The following FREM1 variants were observed in gnomAD, a reference collection of about 807,000 sequenced individuals.
The protein encoded by FREM1 is FRAS1 related extracellular matrix 1.
Under a neutral mutation model 210.1 loss-of-function variants are expected in FREM1, and 220 were observed. The observed-to-expected ratio is 1.05, with a 90% CI of 0.94 to 1.17. The LOEUF (loss-of-function observed/expected upper bound fraction) is 1.17, where lower values mean the gene tolerates loss of function less well. Ranked by LOEUF, FREM1 falls within the 50% of genes most tolerant of loss-of-function variation. The pLI is 0.00. For missense variants in FREM1, 3,454 were observed against 2,675.5 expected, an observed-to-expected ratio of 1.29 and a Z score of -6.42; for synonymous variants, 1,189 against 980.2, an observed-to-expected ratio of 1.21 and a Z score of -3.98.
At chr9:14,773,030 T>C (rs943315736) in intron 25 of FREM1, among the ~76,000 whole-genome samples, 1 of 152,238 alleles carries the variant, frequency 6.6e-6, no homozygotes, top group African/African-American at 2.4e-5. Flanking sequence ...CTTATTCAAC[T>C]TCTAGCTTTG....
intron 5 of FREM1, 81 bp downstream of exon 5, chr9:14,857,472 G>C (rs149742615): frequency 8.4e-7 from 1 of 1,188,452 alleles, no homozygotes; most frequent in Non-Finnish European, 1.3e-6. Context: ...CCCTGGCATG[G>C]GGGCGAGCAT....
In FREM1 at chr9:14,806,802, C is replaced by T. The variant is rs761033350; in HGVS notation, c.3133G>A (p.Val1045Ile). The change falls in exon 18 of 37, where the codon GTT becomes ATT. Residue 1045 changes from valine (V) to isoleucine (I), a missense_variant. Physicochemically the swap from Val to Ile is conservative, Grantham distance 29 (BLOSUM62 3). Coordinates refer to ENST00000380880, the MANE Select transcript of FREM1 (RefSeq NM_001379081.2). ...GGGTCAGTGGCGGACAAATGGTTAA[C>T]AGTAAGGGCTGTTGAGCAGCCCTCA... ...VDEGCSTALT[V>I]NHLSATDPDT... The T allele has an allele frequency of 6.2e-7, 1 of 1,608,130 alleles. No individual in the cohort carries two copies. Among genetic ancestry groups the T allele is most frequent in the East Asian group, 2.2e-5 (1 of 44,838 alleles).
intron 18 of FREM1, 138 bp downstream of exon 18, chr9:14,806,523 G>C: frequency 1.6e-6 from 1 of 617,172 alleles, no homozygotes; most frequent in Admixed American, 2.6e-5. Flanking sequence ...CAAAGTGCTG[G>C]GATTACAGGC....
At chr9:14,804,730 T>C (rs1818044694) in intron 19 of FREM1, among the ~76,000 whole-genome samples, 1 of 152,172 alleles carries the variant, frequency 6.6e-6, no homozygotes, top group South Asian at 2.1e-4. Flanking sequence ...TAGATTTTTT[T>C]TCTCTCTCAT....
Position 14,836,613 on chromosome 9 carries a change from T to C in FREM1, c.1881+4834A>G, listed in dbSNP as rs1054421080. On this transcript the variant is annotated intron_variant, in intron 10 of 36. Coordinates refer to ENST00000380880, the MANE Select transcript of FREM1 (RefSeq NM_001379081.2). The surrounding 1 kb of genome is among the most constrained non-coding windows in gnomAD (Gnocchi z 4.9). ...TTTATTAAGCCCTCTCTTGCTTATATGTCTTGAATTGATATTTGGACGTTG... is the reference window on the plus strand; with the variant it reads ...TTTATTAAGCCCTCTCTTGCTTATACGTCTTGAATTGATATTTGGACGTTG... Among the ~76,000 whole-genome samples, 7 of 152,230 alleles carry C rather than the reference T, an allele frequency of 4.6e-5. No homozygotes were observed. The highest frequency in any genetic ancestry group is 1.7e-4 in the African/African-American group (7 of 41,464).
chr9:14,858,424 C>T (rs912085577), intron 4 of FREM1, among the ~76,000 whole-genome samples: 1 of 151,746 alleles, frequency 6.6e-6, no homozygotes, highest in Non-Finnish European at 1.5e-5. Context: ...GGTCTTGAAA[C>T]CCTGGCCTCA....
At chr9:14,747,639 C>T (rs749899966) in intron 32 of FREM1, 42 bp downstream of exon 32, 5 of 1,173,508 alleles carry the variant, frequency 4.3e-6, no homozygotes, top group Non-Finnish European at 6.0e-6. Context: ...ATACTTGCAT[C>T]CATAAATATA....
At chr9:14,871,099 G>C (rs113147272) in intron 1 of FREM1, among the ~76,000 whole-genome samples, 3 of 152,118 alleles carry the variant, frequency 2.0e-5, no homozygotes, top group African/African-American at 4.8e-5. Context: ...ATTGTGAATG[G>C]AGCTGCAATA....
intron 25 of FREM1, among the ~76,000 whole-genome samples, chr9:14,772,563 T>A (rs1407167253): frequency 2.0e-5 from 3 of 152,188 alleles, no homozygotes; most frequent in Non-Finnish European, 4.4e-5. Context: ...TGTCAAGAAT[T>A]TTTTTTCTTG....
intron 2 of FREM1, among the ~76,000 whole-genome samples, chr9:14,868,070 A>G (rs1252709438): frequency 3.9e-5 from 6 of 152,232 alleles, no homozygotes; most frequent in African/African-American, 1.4e-4. Flanking sequence ...TTTAAAGTGA[A>G]GTATCTTCAC....
At chr9:14,817,074 C>T (rs576176151) in intron 14 of FREM1, among the ~76,000 whole-genome samples, 1 of 152,116 alleles carries the variant, frequency 6.6e-6, no homozygotes, top group African/African-American at 2.4e-5. Context: ...ATTGCTCCAC[C>T]CTGGAAAAAT....
chr9:14,768,017 T>G (rs1426020468), intron 27 of FREM1, among the ~76,000 whole-genome samples: 1 of 152,164 alleles, frequency 6.6e-6, no homozygotes, highest in African/African-American at 2.4e-5. Flanking sequence ...TTAAGCAAAT[T>G]TTGCTGTAAT....
intron 16 of FREM1, among the ~76,000 whole-genome samples, chr9:14,810,185 G>C (rs966408453): frequency 2.0e-4 from 30 of 152,076 alleles, no homozygotes; most frequent in Admixed American, 1.4e-3. Flanking sequence ...TAGAAGATCT[G>C]TAGGGAGAGG....
intron 27 of FREM1, among the ~76,000 whole-genome samples, chr9:14,766,218 A>C (rs1416678214): frequency 6.6e-6 from 1 of 152,232 alleles, no homozygotes; most frequent in East Asian, 1.9e-4. Flanking sequence ...GAAAACACTT[A>C]GCACAGTGCC....
At chr9:14,808,733 T>C (rs1275464149) in intron 16 of FREM1, among the ~76,000 whole-genome samples, 2 of 152,238 alleles carry the variant, frequency 1.3e-5, no homozygotes, top group Non-Finnish European at 2.9e-5. Context: ...TATTTTCATT[T>C]TCTTCTTTTC....
At chr9:14,826,699 C>A (rs997466810) in intron 10 of FREM1, among the ~76,000 whole-genome samples, 4 of 152,154 alleles carry the variant, frequency 2.6e-5, no homozygotes, top group African/African-American at 9.7e-5. Flanking sequence ...AGTGATTGGA[C>A]CATGAGGTTG....
In FREM1 at chr9:14,737,467, G is replaced by C. The variant is rs1488765847; in HGVS notation, c.6469C>G (p.Gln2157Glu). The C allele has an allele frequency of 8.7e-6, 14 of 1,613,678 alleles. No individual in the cohort carries two copies. Among genetic ancestry groups the C allele is most frequent in the Non-Finnish European group, 1.2e-5 (14 of 1,179,818 alleles). ...LGKSCVLVQRQGKWQTKDCRR... is the reference protein window; with the variant it reads ...LGKSCVLVQREGKWQTKDCRR... ...CAGTCTTTTGTTTGCCATTTCCCTT[G>C]TCTTTGAACCAAAACACAGCTCTTT... Residue 2157 changes from glutamine to glutamate, a missense_variant, in exon 37 of 37, where the codon CAA becomes GAA. Physicochemically the swap from Gln to Glu is conservative, Grantham distance 29. Transcript: ENST00000380880.
intron 27 of FREM1, among the ~76,000 whole-genome samples, chr9:14,760,278 C>G (rs927615192): frequency 1.2e-4 from 18 of 152,164 alleles, no homozygotes; most frequent in Admixed American, 3.9e-4. Flanking sequence ...GGAAAAGACA[C>G]TGATAGGAAG....
intron 1 of FREM1, among the ~76,000 whole-genome samples, chr9:14,876,107 G>A (rs1341568788): frequency 6.6e-6 from 1 of 152,158 alleles, no homozygotes; most frequent in Non-Finnish European, 1.5e-5. Flanking sequence ...CTCCCAGTTA[G>A]GCTGCTCGGG....
Sources: allele counts gnomAD v4.1 joint callset (sites outside exome capture counted in the v4.1 genomes callset), GRCh38; gene constraint gnomAD v4.1.1; non-coding constraint Gnocchi (gnomAD v3.1); transcripts MANE v1.5; gene names NCBI Gene and HGNC (gene_info 2026-07-23, HGNC 2026-07-21).